TRIP12: variants seen among roughly 807,000 people sequenced by gnomAD.
The protein encoded by TRIP12 is thyroid hormone receptor interactor 12.
In TRIP12, 25 loss-of-function variants were observed where a neutral mutation model predicts 244.2. That is an observed-to-expected ratio of 0.10 (90% CI 0.07 to 0.14). The LOEUF (loss-of-function observed/expected upper bound fraction) is 0.14, where lower values mean the gene tolerates loss of function less well. Among genes scored for constraint, TRIP12 ranks in the 10% least tolerant of loss-of-function variants. The pLI is 1.00. For missense variants in TRIP12, 1,677 were observed against 2,486.4 expected, an observed-to-expected ratio of 0.67 and a Z score of 6.92; for synonymous variants, 905 against 873.1, an observed-to-expected ratio of 1.04 and a Z score of -0.64.
At chr2:229,785,666 T>C (rs1373576960) in intron 34 of TRIP12, 91 bp downstream of exon 34, 5 of 1,210,302 alleles carry the variant, frequency 4.1e-6, no homozygotes, top group Non-Finnish European at 4.7e-6. Flanking sequence ...CCCAACTGTC[T>C]TTCAGAATTT....
At chr2:229,794,093 T>G (rs1234127095) in intron 26 of TRIP12, among the ~76,000 whole-genome samples, 1 of 152,182 alleles carries the variant, frequency 6.6e-6, no homozygotes, top group East Asian at 1.9e-4. Context: ...AAATGCCCCC[T>G]TATTTCATGA....
At chr2:229,846,968 A>G (rs971805955) in intron 4 of TRIP12, among the ~76,000 whole-genome samples, 15 of 152,264 alleles carry the variant, frequency 9.9e-5, no homozygotes, top group African/African-American at 2.9e-4. Context: ...ATAAAACAGT[A>G]TGGTAATTAA....
chr2:229,922,322 G>A, upstream of TRIP12: 1 of 600,670 alleles, frequency 1.7e-6, no homozygotes, highest in Admixed American at 3.0e-5. Context: ...CGGGTCACCC[G>A]GGACCTGGAG....
chr2:229,809,081 A>C (rs1284179316), intron 15 of TRIP12, among the ~76,000 whole-genome samples: 1 of 152,218 alleles, frequency 6.6e-6, no homozygotes, highest in African/African-American at 2.4e-5. Flanking sequence ...TAAATATTAT[A>C]CATATGCAAA....
rs181647492 is a variant in TRIP12, at chr2:229,852,358, T to C, written c.1027+6414A>G. ...TCATCATCTACTCACTTTGAAATTATTGCAAATTTTTTTTTAAATTAGCTT... is the reference window on the plus strand; with the variant it reads ...TCATCATCTACTCACTTTGAAATTACTGCAAATTTTTTTTTAAATTAGCTT... On this transcript the variant is annotated intron_variant, in intron 4 of 41. Transcript: ENST00000675903. Among the ~76,000 whole-genome samples, 252 of 152,234 alleles carry C rather than the reference T, an allele frequency of 1.7e-3. 1 individual carries two copies. Among genetic ancestry groups the C allele is most frequent in the Non-Finnish European group, 2.7e-3 (186 of 68,024 alleles).
intron 1 of TRIP12, among the ~76,000 whole-genome samples, chr2:229,890,800 C>A (rs759307365): frequency 6.6e-6 from 1 of 152,198 alleles, no homozygotes; most frequent in Non-Finnish European, 1.5e-5. Flanking sequence ...TAATGCCCCA[C>A]ATTTCTACAT....
chr2:229,827,779 C>A (rs2052133350), intron 8 of TRIP12, among the ~76,000 whole-genome samples: 1 of 152,084 alleles, frequency 6.6e-6, no homozygotes, highest in Non-Finnish European at 1.5e-5. Context: ...TGAATGCAGC[C>A]CAACAAAAAT....
chr2:229,828,180 A>C (rs941085717), intron 8 of TRIP12, among the ~76,000 whole-genome samples: 3 of 152,154 alleles, frequency 2.0e-5, no homozygotes, highest in Admixed American at 2.0e-4. Flanking sequence ...TGAAGTAGGC[A>C]CTGTTGAAGC....
In TRIP12 at chr2:229,915,035, G is replaced by A. The variant is rs539671393; in HGVS notation, c.-50+6845C>T. Among the ~76,000 whole-genome samples the A allele has an allele frequency of 7.9e-5, 12 of 152,200 alleles. 1 individual carries two copies. In the South Asian group the frequency reaches 2.5e-3, roughly 32 times the overall value. ...TGGGAGACCAAGGCGGGTGTATCAC[G>A]TGAGGTCAGGAGTTCAAGACCAGCC... On this transcript the variant is annotated intron_variant, in intron 1 of 41. Coordinates refer to ENST00000675903, the MANE Select transcript of TRIP12 (RefSeq NM_001348323.3).
intron 1 of TRIP12, among the ~76,000 whole-genome samples, chr2:229,887,214 T>C (rs1351360180): frequency 6.6e-6 from 1 of 152,216 alleles, no homozygotes; most frequent in Non-Finnish European, 1.5e-5. Context: ...TGAATAATTA[T>C]AAAATATGCT....
At chr2:229,852,389 A>C (rs998180846) in intron 4 of TRIP12, among the ~76,000 whole-genome samples, 2 of 152,064 alleles carry the variant, frequency 1.3e-5, no homozygotes, top group African/African-American at 4.8e-5. Flanking sequence ...AGCTTTTATA[A>C]GAAGGTAGAT....
rs777301471 is a variant in TRIP12, at chr2:229,802,235, A to G, written c.3206+17T>C. ...TAACAGCAAAGAAATAAAAATCACA[A>G]CACAATTCTTACTTACCCTTGAGGG... On this transcript the variant is annotated intron_variant, in intron 21 of 41. Transcript: ENST00000675903. The G allele has an allele frequency of 1.3e-6, 2 of 1,570,286 alleles. No homozygotes were observed. Among genetic ancestry groups the G allele is most frequent in the African/African-American group, 2.7e-5 (2 of 73,892 alleles).
intron 8 of TRIP12, among the ~76,000 whole-genome samples, 173 bp downstream of exon 8, chr2:229,829,020 T>C (rs1034828977): frequency 6.6e-6 from 1 of 152,218 alleles, no homozygotes; most frequent in Admixed American, 6.5e-5. Context: ...CTACAAAATC[T>C]GGATAATTCA....
intron 9 of TRIP12, among the ~76,000 whole-genome samples, chr2:229,817,067 G>A (rs1172496955): frequency 6.6e-6 from 1 of 152,116 alleles, no homozygotes; most frequent in Admixed American, 6.5e-5. Context: ...CTCTGCCAGA[G>A]CTGAGCCATC....
At chr2:229,771,412 C>T in intron 39 of TRIP12, 107 bp downstream of exon 39, 1 of 827,574 alleles carries the variant, frequency 1.2e-6, no homozygotes, top group Non-Finnish European at 1.9e-6. Flanking sequence ...CTATCTAACA[C>T]CCATTTTTTT....
At chr2:229,862,390 A>G (rs1289360955) in intron 2 of TRIP12, among the ~76,000 whole-genome samples, 1 of 152,182 alleles carries the variant, frequency 6.6e-6, no homozygotes, top group African/African-American at 2.4e-5. Flanking sequence ...AAAGAGGTGT[A>G]ACGTTCTGTT....
At chr2:229,901,183 C>G (rs1306039951) in intron 1 of TRIP12, among the ~76,000 whole-genome samples, 2 of 151,540 alleles carry the variant, frequency 1.3e-5, no homozygotes, top group African/African-American at 2.4e-5. Context: ...ATCCGCCTGC[C>G]TCACCCTCCC....
At chr2:229,884,984 A>G (rs1239169694) in intron 1 of TRIP12, among the ~76,000 whole-genome samples, 1 of 152,188 alleles carries the variant, frequency 6.6e-6, no homozygotes, top group Non-Finnish European at 1.5e-5. Context: ...ACAAACAAAC[A>G]AAAAATACAG....
chr2:229,817,486 A>G (rs561877437), intron 9 of TRIP12, among the ~76,000 whole-genome samples: 20 of 152,300 alleles, frequency 1.3e-4, no homozygotes, highest in Non-Finnish European at 1.9e-4. Flanking sequence ...TTCATATTTA[A>G]AAGTTTAAGG....
Sources: allele counts gnomAD v4.1 joint callset (sites outside exome capture counted in the v4.1 genomes callset), GRCh38; gene constraint gnomAD v4.1.1; transcripts MANE v1.5; gene names NCBI Gene and HGNC (gene_info 2026-07-23, HGNC 2026-07-21).